The following AUTS2 variants were observed in gnomAD, a reference collection of about 807,000 sequenced individuals.
AUTS2 encodes autism susceptibility gene 2 protein.
AUTS2 carries 17 observed loss-of-function variants against 112.4 expected under a neutral mutation model. The observed-to-expected ratio is 0.15, with a 90% confidence interval of 0.10 to 0.23. AUTS2 has a LOEUF of 0.23. AUTS2 is among the 10% of genes least tolerant of loss of function. AUTS2 has a pLI of 1.00. For synonymous variants in AUTS2, 751 were observed against 702.7 expected, an observed-to-expected ratio of 1.07 and a Z score of -1.09; for missense variants, 1,510 against 1,701.6, an observed-to-expected ratio of 0.89 and a Z score of 1.98.
At chr7:69,721,909 G>C (rs1400931501) in intron 1 of AUTS2, among the ~76,000 whole-genome samples, 1 of 152,168 alleles carries the variant, frequency 6.6e-6, no homozygotes, top group East Asian at 1.9e-4. Flanking sequence ...GCATGACAAA[G>C]GGGCCTGAGA....
chr7:70,475,943 T>C (rs1047505173), intron 5 of AUTS2, among the ~76,000 whole-genome samples: 2 of 152,078 alleles, frequency 1.3e-5, no homozygotes, highest in Non-Finnish European at 2.9e-5. Context: ...GTGGGAAGAC[T>C]GTTAGAGCCC....
At chr7:69,860,054 G>A (rs1398988162) in intron 1 of AUTS2, among the ~76,000 whole-genome samples, 1 of 151,808 alleles carries the variant, frequency 6.6e-6, no homozygotes, top group African/African-American at 2.4e-5. Flanking sequence ...TTTTTTTGTT[G>A]TTGTTGTTTT....
chr7:70,274,605 T>TA (rs1237122637), intron 4 of AUTS2, among the ~76,000 whole-genome samples: 1 of 152,046 alleles, frequency 6.6e-6, no homozygotes, highest in Non-Finnish European at 1.5e-5. Flanking sequence ...ATTTTTTTGT[T>TA]ATTGTTGTGA....
intron 5 of AUTS2, among the ~76,000 whole-genome samples, chr7:70,530,437 C>G (rs1800035770): frequency 6.6e-6 from 1 of 152,132 alleles, no homozygotes; most frequent in Admixed American, 6.5e-5. Flanking sequence ...TGGGGAGCGT[C>G]TGGTGGTTGG....
At chr7:70,569,027 A>G (rs1416345148) in intron 5 of AUTS2, among the ~76,000 whole-genome samples, 5 of 152,310 alleles carry the variant, frequency 3.3e-5, no homozygotes, top group African/African-American at 1.2e-4. Context: ...CCAGTGTCTG[A>G]GCCGTGCTAT....
chr7:69,782,433 C>A (rs889443847), intron 1 of AUTS2, among the ~76,000 whole-genome samples: 7 of 151,400 alleles, frequency 4.6e-5, no homozygotes, highest in Admixed American at 6.6e-5. Context: ...AGGTCTCATC[C>A]AGTCATGATG....
chr7:69,614,370 TTAAGAGA>T lies in AUTS2; in HGVS notation c.309+14410_309+14416del, dbSNP rs373269775. On this transcript the variant is annotated intron_variant, in intron 1 of 18. Coordinates refer to ENST00000342771, the MANE Select transcript of AUTS2 (RefSeq NM_015570.4). ...TTTCTTTCTTTCTTTCTTTCTTTTT[TTAAGAGA>T]TGGGATCTCACTCTGTTTCCCAGGC... 1.4e-3 allele frequency among the ~76,000 whole-genome samples: 40 copies of T among 28,552 alleles called. 2 individuals carry two copies. The highest frequency in any genetic ancestry group is 3.5e-3 in the African/African-American group (36 of 10,242). 18.7% of individuals were successfully genotyped at this position (28,552 alleles called of 152,430 possible).
intron 1 of AUTS2, among the ~76,000 whole-genome samples, chr7:69,668,323 C>T (rs780506322): frequency 3.9e-5 from 6 of 152,074 alleles, no homozygotes; most frequent in East Asian, 1.9e-4. Flanking sequence ...TATAATGTAG[C>T]GTTAGTAATT....
chr7:70,031,151 T>C (rs1800760868), intron 2 of AUTS2, among the ~76,000 whole-genome samples: 1 of 152,176 alleles, frequency 6.6e-6, no homozygotes, highest in Non-Finnish European at 1.5e-5. Context: ...TCCCATTGTT[T>C]TATTGTGAGG....
intron 4 of AUTS2, among the ~76,000 whole-genome samples, chr7:70,158,786 T>C (rs992839240): frequency 6.6e-6 from 1 of 152,128 alleles, no homozygotes; most frequent in Non-Finnish European, 1.5e-5. Context: ...TATGTGTGAT[T>C]TTTATTTCTT....
intron 4 of AUTS2, among the ~76,000 whole-genome samples, chr7:70,269,758 A>G (rs1375097293): frequency 6.6e-6 from 1 of 152,212 alleles, no homozygotes; most frequent in African/African-American, 2.4e-5. Flanking sequence ...CACCTCTCTC[A>G]TAGCCCATAA....
rs373795624 is a variant in AUTS2, at chr7:70,760,087, C to G, written c.743-2783C>G. Among the ~76,000 whole-genome samples the G allele has an allele frequency of 2.1e-4, 32 of 151,660 alleles. No individual in the cohort carries two copies. The East Asian group carries it at 4.9e-3, about 23-fold the overall frequency. On this transcript the variant is annotated intron_variant, in intron 6 of 18. Transcript: ENST00000342771. The stretch of plus-strand genomic sequence containing the variant: ...GTGGTGTGATCTCAGCTCACTGCAA[C>G]CTCTGCCTCCCAGGTTCACGCCATT...
intron 1 of AUTS2, among the ~76,000 whole-genome samples, chr7:69,661,492 T>C (rs1396813373): frequency 6.6e-6 from 1 of 152,170 alleles, no homozygotes; most frequent in African/African-American, 2.4e-5. Context: ...ACTGAAACCA[T>C]CTGGTGTTGG....
At chr7:69,890,780 C>T (rs111942769) in intron 1 of AUTS2, among the ~76,000 whole-genome samples, 2 of 152,000 alleles carry the variant, frequency 1.3e-5, no homozygotes, top group African/African-American at 4.8e-5. Flanking sequence ...CATTCGTGTT[C>T]ACAACTGAGT....
chr7:70,102,037 G>A (rs1804524468), intron 2 of AUTS2, among the ~76,000 whole-genome samples: 1 of 150,930 alleles, frequency 6.6e-6, no homozygotes, highest in Admixed American at 6.6e-5. Context: ...TAACATTTTG[G>A]TTTAAAGACT....
intron 14 of AUTS2, 183 bp from the exon 15 acceptor site, chr7:70,781,432 C>A (rs1000095176): frequency 3.4e-6 from 2 of 585,514 alleles, no homozygotes; most frequent in South Asian, 2.6e-5. Flanking sequence ...GTGTAACAGG[C>A]ACTACCGGCC....
At chr7:69,631,971 T>G (rs994872344) in intron 1 of AUTS2, among the ~76,000 whole-genome samples, 18 of 152,220 alleles carry the variant, frequency 1.2e-4, no homozygotes, top group Non-Finnish European at 1.9e-4. Context: ...CATGTTTCAA[T>G]GGGGAACAAA....
intron 2 of AUTS2, among the ~76,000 whole-genome samples, chr7:69,923,464 CTT>C (rs1368019478): frequency 6.6e-6 from 1 of 152,076 alleles, no homozygotes; most frequent in Non-Finnish European, 1.5e-5. Context: ...TAGCGTATGA[CTT>C]TTAGAATCAG....
intron 5 of AUTS2, among the ~76,000 whole-genome samples, chr7:70,550,563 A>G (rs1225238183): frequency 5.9e-5 from 9 of 152,188 alleles, no homozygotes; most frequent in African/African-American, 9.7e-5. Context: ...AATCTTTTTT[A>G]AAATAAGTAT....
Sources: gnomAD v4.1 joint callset for allele counts (sites outside exome capture counted in the v4.1 genomes callset) on GRCh38, gnomAD v4.1.1 for gene constraint, MANE v1.5 for transcripts, NCBI Gene and HGNC (gene_info 2026-07-23, HGNC 2026-07-21) for gene names.